The following DYM variants were observed in gnomAD, a reference collection of about 807,000 sequenced individuals.
The protein encoded by DYM is dyggve-Melchior-Clausen syndrome protein.
In DYM, 78 loss-of-function variants were observed where a neutral mutation model predicts 93.1. That is an observed-to-expected ratio of 0.84 (90% CI 0.70 to 1.01). The LOEUF is 1.01. Ranked by LOEUF, DYM falls within the 50% of genes least tolerant of loss-of-function variation. DYM has a pLI of 0.00. For synonymous variants in DYM, 321 were observed against 319.7 expected (o/e 1.00, Z -0.04); for missense variants, 789 against 845.0 (o/e 0.93, Z 0.82).
chr18:49,383,024 A>G (rs998820565), intron 3 of DYM, among the ~76,000 whole-genome samples: 1 of 152,156 alleles, frequency 6.6e-6, no homozygotes, highest in African/African-American at 2.4e-5. Context: ...GGACAAGATG[A>G]CCCCACGCAA....
At chr18:49,399,934 CTTTTTTTTTTTT>C (rs1201370040) in intron 2 of DYM, among the ~76,000 whole-genome samples, 1 of 66,110 alleles carries the variant, frequency 1.5e-5, no homozygotes, top group Non-Finnish European at 2.7e-5. Flanking sequence ...TTTTATTTTT[CTTTTTTTTTTTT>C]TTTTTTTTTT....
chr18:49,226,880 T>C (rs770505761), intron 13 of DYM, among the ~76,000 whole-genome samples: 11 of 152,184 alleles, frequency 7.2e-5, no homozygotes, highest in Middle Eastern at 3.4e-3. Context: ...ATTACAAAAA[T>C]AGCCATCAAA....
intron 17 of DYM, among the ~76,000 whole-genome samples, chr18:49,089,334 G>C (rs1360815735): frequency 6.6e-6 from 1 of 152,132 alleles, no homozygotes; most frequent in Non-Finnish European, 1.5e-5. Context: ...ACATTTAAAA[G>C]GCCACAGACT....
intron 6 of DYM, among the ~76,000 whole-genome samples, chr18:49,353,407 A>T (rs1467400719): frequency 6.6e-6 from 1 of 152,072 alleles, no homozygotes; most frequent in Non-Finnish European, 1.5e-5. Flanking sequence ...AAATAAGTAG[A>T]TATTAAAGTA....
intron 15 of DYM, among the ~76,000 whole-genome samples, chr18:49,144,657 A>C (rs910837695): frequency 4.6e-5 from 7 of 152,206 alleles, no homozygotes. Context: ...AAAGGACAGA[A>C]GTAGAATGAC....
chr18:49,212,733 G>A (rs1007023418), intron 13 of DYM, among the ~76,000 whole-genome samples: 1 of 152,054 alleles, frequency 6.6e-6, no homozygotes, highest in African/African-American at 2.4e-5. Context: ...TTGGGCTCAA[G>A]TGATCCATCC....
At chr18:49,079,983 G>A (rs2077675260) in intron 17 of DYM, among the ~76,000 whole-genome samples, 1 of 150,648 alleles carries the variant, frequency 6.6e-6, no homozygotes, top group Non-Finnish European at 1.5e-5. Flanking sequence ...AGGGGCGGCC[G>A]GGCAGAGGCG....
intron 13 of DYM, among the ~76,000 whole-genome samples, chr18:49,236,297 G>A (rs2144592086): frequency 6.6e-6 from 1 of 152,080 alleles, no homozygotes; most frequent in Non-Finnish European, 1.5e-5. Context: ...TGGCTAACAC[G>A]GTGAAACCCT....
At chr18:49,166,081 T>A (rs1039569133) in intron 14 of DYM, among the ~76,000 whole-genome samples, 2 of 152,194 alleles carry the variant, frequency 1.3e-5, no homozygotes, top group Admixed American at 6.5e-5. Flanking sequence ...TTTTGCTTTA[T>A]CTTTCCTTTT....
Position 49,148,452 on chromosome 18 carries a change from C to T in DYM, c.1728+15233G>A, listed in dbSNP as rs569113222. On this transcript the variant is annotated intron_variant, in intron 15 of 17. Coordinates refer to ENST00000675505, the MANE Select transcript of DYM (RefSeq NM_001353214.3). The stretch of plus-strand genomic sequence containing the variant: ...AATTAATTTTTTGTAGACACAGGGT[C>T]TCCCTATATTGCTCAGGCTGGTCTC... 4.6e-5 allele frequency among the ~76,000 whole-genome samples: 7 copies of T among 151,940 alleles called. No individual in the cohort carries two copies. The South Asian group carries it at 1.0e-3, about 23-fold the overall frequency.
intron 1 of DYM, among the ~76,000 whole-genome samples, chr18:49,446,019 C>G (rs1406144995): frequency 6.6e-6 from 1 of 152,074 alleles, no homozygotes; most frequent in Non-Finnish European, 1.5e-5. Context: ...GAATACCCCA[C>G]CTACCATAAC....
chr18:49,263,412 C>T (rs2094520552), intron 11 of DYM, among the ~76,000 whole-genome samples: 1 of 150,938 alleles, frequency 6.6e-6, no homozygotes, highest in Admixed American at 6.6e-5. Context: ...AGCCACCACG[C>T]CTGGCTTGAA....
At chr18:49,366,276 A>G (rs1348024941) in intron 5 of DYM, among the ~76,000 whole-genome samples, 1 of 152,246 alleles carries the variant, frequency 6.6e-6, no homozygotes, top group African/African-American at 2.4e-5. Context: ...TATCTTCCTT[A>G]GTTCCAAAAA....
Position 49,070,457 on chromosome 18 carries a change from A to G in DYM, c.2026-26253T>C, listed in dbSNP as rs372581404. Among the ~76,000 whole-genome samples, 3 of 152,324 alleles carry G rather than the reference A, an allele frequency of 2.0e-5. No individual in the cohort carries two copies. In the East Asian group the frequency reaches 5.8e-4, roughly 29 times the overall value. On this transcript the variant is annotated intron_variant, in intron 17 of 17. Transcript: ENST00000675505. Reference sequence around the variant, plus strand: ...ACCTGCCTCTCCACTTATGTGCTTCAGAATCTGCATTCTGTCCACGGCCAT... The same window carrying G: ...ACCTGCCTCTCCACTTATGTGCTTCGGAATCTGCATTCTGTCCACGGCCAT...
At chr18:49,413,206 A>G (rs1423054471) in intron 2 of DYM, 1 of 152,276 alleles carries the variant, frequency 6.6e-6, no homozygotes, top group Admixed American at 6.5e-5. Context: ...CTCTGGACTT[A>G]GACAAATAAA....
At chr18:49,075,195 G>C (rs1225835969) in intron 17 of DYM, among the ~76,000 whole-genome samples, 1 of 152,194 alleles carries the variant, frequency 6.6e-6, no homozygotes, top group Non-Finnish European at 1.5e-5. Flanking sequence ...ATGATGATGA[G>C]AAGCCAGGGA....
intron 8 of DYM, among the ~76,000 whole-genome samples, chr18:49,326,617 C>A (rs917440453): frequency 9.2e-5 from 14 of 152,164 alleles, no homozygotes; most frequent in Admixed American, 6.5e-5. Flanking sequence ...TCACTGAGTA[C>A]TGCAGTGCCA....
chr18:49,044,891 A>C (rs2144089734), intron 17 of DYM, among the ~76,000 whole-genome samples: 1 of 152,394 alleles, frequency 6.6e-6, no homozygotes, highest in African/African-American at 2.4e-5. Context: ...TGCAAACTCC[A>C]GTCCTCTGTT....
intron 14 of DYM, among the ~76,000 whole-genome samples, chr18:49,165,720 T>G (rs1472979500): frequency 6.6e-6 from 1 of 152,154 alleles, no homozygotes; most frequent in African/African-American, 2.4e-5. Context: ...AAGTAATTAC[T>G]GAATGAATAA....
Sources: allele counts gnomAD v4.1 joint callset (sites outside exome capture counted in the v4.1 genomes callset), GRCh38; gene constraint gnomAD v4.1.1; transcripts MANE v1.5; gene names NCBI Gene and HGNC (gene_info 2026-07-23, HGNC 2026-07-21).